Variants in GSDMC observed in about 807,000 individuals in gnomAD.
The protein encoded by GSDMC is gasdermin-C.
Under a neutral mutation model 58.0 loss-of-function variants are expected in GSDMC, and 59 were observed. The observed-to-expected ratio is 1.02, with a 90% CI of 0.82 to 1.26. The LOEUF (loss-of-function observed/expected upper bound fraction) is 1.26, where lower values mean the gene tolerates loss of function less well. Among genes scored for constraint, GSDMC ranks in the 50% most tolerant of loss-of-function variants. GSDMC has a pLI of 0.00. For missense variants in GSDMC, 659 were observed against 598.5 expected (o/e 1.10, Z -1.06); for synonymous variants, 241 against 220.2 (o/e 1.09, Z -0.83).
intron 3 of GSDMC, among the ~76,000 whole-genome samples, chr8:129,769,602 T>G (rs2033985085): frequency 1.3e-5 from 2 of 152,076 alleles, no homozygotes; most frequent in Admixed American, 1.3e-4. Flanking sequence ...CACCCTTTTG[T>G]CAAGAGCCCA....
At chr8:129,729,858 C>T in the GSDMC span, 4 of 841,292 alleles carry the variant, frequency 4.8e-6, no homozygotes, top group Non-Finnish European at 8.1e-6. Flanking sequence ...CATGCTAGCA[C>T]CATGACTGTA....
intron 6 of GSDMC, among the ~76,000 whole-genome samples, chr8:129,756,601 C>A (rs932273499): frequency 2.6e-5 from 4 of 152,126 alleles, no homozygotes; most frequent in Non-Finnish European, 5.9e-5. Context: ...GCAGAATACA[C>A]ATTTTTTTCT....
chr8:129,708,101 T>A, the GSDMC span, among the ~76,000 whole-genome samples: 2 of 152,218 alleles, frequency 1.3e-5, no homozygotes, highest in Non-Finnish European at 2.9e-5. Flanking sequence ...TGTGCTTCAC[T>A]GTCCCGTTGG....
the GSDMC span, among the ~76,000 whole-genome samples, chr8:129,733,096 C>A: frequency 2.0e-5 from 3 of 152,230 alleles, no homozygotes; most frequent in African/African-American, 7.2e-5. Flanking sequence ...GAGGCAGCAA[C>A]CTGGCAGGAG....
At chr8:129,768,760 G>A (rs1304022570) in intron 3 of GSDMC, among the ~76,000 whole-genome samples, 1 of 152,166 alleles carries the variant, frequency 6.6e-6, no homozygotes, top group Admixed American at 6.5e-5. Context: ...ATAAGAGAGT[G>A]AGAAAGAGAT....
At chr8:129,743,719 T>C (rs1225172075), downstream of GSDMC, among the ~76,000 whole-genome samples, 5 of 152,224 alleles carry the variant, frequency 3.3e-5, no homozygotes, top group Non-Finnish European at 7.4e-5. Flanking sequence ...CAACTAGTTA[T>C]ATGCAGATCC....
At chr8:129,742,724 A>G in the GSDMC span, among the ~76,000 whole-genome samples, 2 of 152,054 alleles carry the variant, frequency 1.3e-5, no homozygotes, top group Admixed American at 1.3e-4. Flanking sequence ...GTTTTCTTCC[A>G]TTTCTCAAGG....
chr8:129,746,855 C>T (rs2032972904), downstream of GSDMC, among the ~76,000 whole-genome samples: 1 of 152,124 alleles, frequency 6.6e-6, no homozygotes. Context: ...GGCAAAGTTT[C>T]TCAAATATGA....
Position 129,777,465 on chromosome 8 carries a change from C to T in GSDMC, c.123G>A (p.Lys41=), listed in dbSNP as rs768653931. The change falls in exon 2 of 14, where the codon AAG becomes AAA. Residue 41 remains lysine, a synonymous_variant. Coordinates refer to ENST00000276708, the MANE Select transcript of GSDMC (RefSeq NM_031415.3). ...AAAATGATGAACGAGAATCCTTCTTCTTTCGTAATATAACAAACTGACGTA... is the reference window on the plus strand; with the variant it reads ...AAAATGATGAACGAGAATCCTTCTTTTTTCGTAATATAACAAACTGACGTA... ...TKLRQFVILR[K]KKDSRSSFWE... 12 of 1,613,028 alleles carry T rather than the reference C, an allele frequency of 7.4e-6. No homozygotes were observed. In the Admixed American group the frequency reaches 1.8e-4, roughly 25 times the overall value.
At chr8:129,745,509 C>CTGA (rs1340704888), downstream of GSDMC, among the ~76,000 whole-genome samples, 6 of 133,314 alleles carry the variant, frequency 4.5e-5, no homozygotes, top group Non-Finnish European at 9.0e-5. Flanking sequence ...GGCATCTTCC[C>CTGA]GAATTATATG....
At chr8:129,717,515 A>C in the GSDMC span, among the ~76,000 whole-genome samples, 1 of 152,108 alleles carries the variant, frequency 6.6e-6, no homozygotes, top group Non-Finnish European at 1.5e-5. Flanking sequence ...TCAAGGAAAT[A>C]AGACACAACA....
chr8:129,717,250 C>CTTTTTTTTTTTTTT, the GSDMC span, among the ~76,000 whole-genome samples: 3 of 114,686 alleles, frequency 2.6e-5, no homozygotes, highest in African/African-American at 6.7e-5. Context: ...TGGTCCTGGG[C>CTTTTTTTTTTTTTT]TTTTTTTTTT....
chr8:129,745,544 G>C (rs992184334), downstream of GSDMC, among the ~76,000 whole-genome samples: 1 of 151,932 alleles, frequency 6.6e-6, no homozygotes, highest in Non-Finnish European at 1.5e-5. Flanking sequence ...TCTCTACTTG[G>C]ATAAATAATG....
intron 3 of GSDMC, among the ~76,000 whole-genome samples, chr8:129,774,196 A>T (rs1178028223): frequency 6.6e-6 from 1 of 152,202 alleles, no homozygotes; most frequent in Non-Finnish European, 1.5e-5. Flanking sequence ...CTTGCATAAA[A>T]ACAGACATAT....
At chr8:129,748,798 T>C in intron 13 of GSDMC, 58 bp from the exon 14 acceptor site, 1 of 1,420,824 alleles carries the variant, frequency 7.0e-7, no homozygotes. Flanking sequence ...AAGAGAAGGC[T>C]TCTGCCCCAG....
At chr8:129,771,583 G>T (rs537970665) in intron 3 of GSDMC, among the ~76,000 whole-genome samples, 1 of 151,774 alleles carries the variant, frequency 6.6e-6, no homozygotes, top group East Asian at 1.9e-4. Context: ...GAAATCAAAA[G>T]GGAATTCAAA....
rs1013729334 is a variant in GSDMC, at chr8:129,777,576, C to A, written c.12G>T (p.Met4Ile). The part of the protein sequence containing the change: MPS[M>I]LERISKNLVK... ...CCAAATTTTTGCTAATGCGTTCCAA[C>A]ATGGAGGGCATGTTGCTAGGAGGAG... is the stretch of plus-strand genomic sequence containing the variant. The change falls in exon 2 of 14, where the codon ATG becomes ATT. Residue 4 changes from methionine (M) to isoleucine (I), a missense_variant. Coordinates refer to ENST00000276708, the MANE Select transcript of GSDMC (RefSeq NM_031415.3). The A allele has an allele frequency of 1.9e-6, 3 of 1,584,456 alleles. No homozygotes were observed. The African/African-American group carries it at 4.0e-5, about 21-fold the overall frequency.
the GSDMC span, chr8:129,730,332 C>A: frequency 2.2e-6 from 3 of 1,345,954 alleles, no homozygotes; most frequent in Non-Finnish European, 3.1e-6. Flanking sequence ...CAAGTCACTG[C>A]ATGATCTTGA....
intron 5 of GSDMC, among the ~76,000 whole-genome samples, chr8:129,762,198 T>C (rs2033689742): frequency 6.6e-6 from 1 of 152,214 alleles, no homozygotes; most frequent in African/African-American, 2.4e-5. Context: ...ACATCGTGTC[T>C]GCAGTTTTGT....
Sources: gnomAD v4.1 joint callset for allele counts (sites outside exome capture counted in the v4.1 genomes callset) on GRCh38, gnomAD v4.1.1 for gene constraint, MANE v1.5 for transcripts, NCBI Gene and HGNC (gene_info 2026-07-23, HGNC 2026-07-21) for gene names.